The following UBR3 variants were observed in gnomAD, a reference collection of about 807,000 sequenced individuals.
UBR3 encodes the protein E3 ubiquitin-protein ligase UBR3.
A neutral mutation model predicts 243.2 loss-of-function variants in UBR3; 85 were observed. The observed-to-expected ratio is 0.35, with a 90% CI of 0.29 to 0.42. UBR3 has a LOEUF of 0.42. UBR3 is among the 10% of genes least tolerant of loss of function. The pLI is 1.00. For missense variants in UBR3, 1,686 were observed against 2,300.8 expected (o/e 0.73, Z 5.47); for synonymous variants, 748 against 799.8 (o/e 0.94, Z 1.09).
At chr2:169,945,097 T>G (rs2105358347) in intron 20 of UBR3, among the ~76,000 whole-genome samples, 1 of 152,166 alleles carries the variant, frequency 6.6e-6, no homozygotes, top group Non-Finnish European at 1.5e-5. Flanking sequence ...ATGCAATCCT[T>G]ACAACAATTC....
intron 28 of UBR3, 90 bp downstream of exon 28, chr2:170,007,280 C>T: frequency 7.4e-7 from 1 of 1,347,172 alleles, no homozygotes; most frequent in Non-Finnish European, 1.0e-6. Context: ...TTACTCTGGA[C>T]TTTTACATAT....
At chr2:169,995,567 G>T (rs2089448515) in intron 26 of UBR3, among the ~76,000 whole-genome samples, 1 of 152,134 alleles carries the variant, frequency 6.6e-6, no homozygotes. Flanking sequence ...AGAACCTACT[G>T]ATAACATTAA....
intron 31 of UBR3, among the ~76,000 whole-genome samples, chr2:170,035,486 A>G (rs536350791): frequency 9.2e-5 from 14 of 151,934 alleles, no homozygotes; most frequent in Non-Finnish European, 1.6e-4. Context: ...ATGTGAATCT[A>G]TTTCTGGGCT....
At chr2:169,850,615 C>A (rs1048133640) in intron 1 of UBR3, among the ~76,000 whole-genome samples, 1 of 152,130 alleles carries the variant, frequency 6.6e-6, no homozygotes, top group African/African-American at 2.4e-5. Flanking sequence ...GAGGCCGAGG[C>A]GGGTGGATCA....
intron 8 of UBR3, 115 bp from the exon 9 acceptor site, chr2:169,904,999 G>A: frequency 1.2e-6 from 1 of 807,130 alleles, no homozygotes. Context: ...TTAAATGGAA[G>A]GCTGGGGTTT....
intron 1 of UBR3, among the ~76,000 whole-genome samples, chr2:169,836,107 G>A (rs2082105938): frequency 1.0e-5 from 1 of 98,760 alleles, no homozygotes; most frequent in South Asian, 4.0e-4. Context: ...ATGGAAACTC[G>A]CTCTGTCCCC....
At chr2:169,945,898 C>A (rs1256127432) in intron 20 of UBR3, among the ~76,000 whole-genome samples, 3 of 152,212 alleles carry the variant, frequency 2.0e-5, no homozygotes, top group Middle Eastern at 6.8e-3. Flanking sequence ...CTCAGAGGCT[C>A]AGAACTTTAA....
chr2:169,864,523 G>A (rs1321261321), intron 1 of UBR3, among the ~76,000 whole-genome samples: 1 of 152,016 alleles, frequency 6.6e-6, no homozygotes, highest in Non-Finnish European at 1.5e-5. Flanking sequence ...CAGCACTTTG[G>A]GAGGCCGATG....
At chr2:170,017,272 A>C (rs1160270003) in intron 30 of UBR3, among the ~76,000 whole-genome samples, 1 of 150,900 alleles carries the variant, frequency 6.6e-6, no homozygotes, top group Non-Finnish European at 1.5e-5. Flanking sequence ...TTTCCCATTG[A>C]TTGCTCTTTA....
At chr2:169,961,874 G>T (rs115221235) in intron 24 of UBR3, among the ~76,000 whole-genome samples, 94 of 136,804 alleles carry the variant, frequency 6.9e-4, no homozygotes, top group East Asian at 1.5e-3. Context: ...TTTTTCCCAT[G>T]TTTTTTTTTT....
intron 35 of UBR3, among the ~76,000 whole-genome samples, chr2:170,068,682 A>C (rs1357002074): frequency 1.3e-5 from 2 of 152,166 alleles, no homozygotes; most frequent in Non-Finnish European, 2.9e-5. Context: ...GGTTCTTTAC[A>C]AAGATCAGTA....
At position 169,961,145 on chromosome 2, in the gene UBR3, A is replaced by G. The variant is rs530532338; in HGVS notation, c.3634+2619A>G. On this transcript the variant is annotated intron_variant, in intron 24 of 38. Transcript: ENST00000272793. The stretch of plus-strand genomic sequence containing the variant: ...ATATCTCTATTATTCTATCTACTCA[A>G]TCATACAGTAGTCTTTTGCATGGAA... 4.6e-5 allele frequency among the ~76,000 whole-genome samples: 7 copies of G among 152,052 alleles called. No homozygotes were observed. The South Asian group carries it at 1.0e-3, about 23-fold the overall frequency.
intron 23 of UBR3, among the ~76,000 whole-genome samples, chr2:169,953,885 C>T (rs2105364242): frequency 6.6e-6 from 1 of 152,310 alleles, no homozygotes; most frequent in African/African-American, 2.4e-5. Flanking sequence ...TGTAGTCTGT[C>T]AATGCTGTTG....
chr2:169,887,206 A>G (rs1406821188), intron 5 of UBR3, among the ~76,000 whole-genome samples: 1 of 152,142 alleles, frequency 6.6e-6, no homozygotes, highest in African/African-American at 2.4e-5. Context: ...CTGTGTCCAT[A>G]TTTTGTGCCT....
rs373011993 is a variant in UBR3, at chr2:170,026,140, A to G, written c.4454-3206A>G. ...CCTTTTAGGGTTCATTAGCAGAAGA[A>G]GGGCACATAAAAGTAACTGAGAAGG... On this transcript the variant is annotated intron_variant, in intron 30 of 38. Transcript: ENST00000272793. Among the ~76,000 whole-genome samples, 19 of 152,122 alleles carry G rather than the reference A, an allele frequency of 1.2e-4. No individual in the cohort carries two copies. The East Asian group carries it at 1.4e-3, about 11-fold the overall frequency.
chr2:169,833,295 T>G (rs180995838), intron 1 of UBR3, among the ~76,000 whole-genome samples: 1 of 152,304 alleles, frequency 6.6e-6, no homozygotes, highest in East Asian at 1.9e-4. Flanking sequence ...ATTTTAAACA[T>G]TTAGTTCTCA....
chr2:170,017,222 T>C (rs993717172), intron 30 of UBR3, among the ~76,000 whole-genome samples: 7 of 151,960 alleles, frequency 4.6e-5, no homozygotes, highest in Non-Finnish European at 1.0e-4. Flanking sequence ...AAAATCTATC[T>C]TTTTTCTAGG....
chr2:169,845,427 A>G (rs2082431362), intron 1 of UBR3, among the ~76,000 whole-genome samples: 1 of 148,644 alleles, frequency 6.7e-6, no homozygotes, highest in Non-Finnish European at 1.5e-5. Flanking sequence ...CATCTCAAAA[A>G]AAAAAAAAAG....
At position 169,949,716 on chromosome 2, in the gene UBR3, T is replaced by C; in HGVS notation, c.3196T>C (p.Ser1066Pro). 1.3e-6 allele frequency: 2 copies of C among 1,551,650 alleles called. No homozygotes were observed. The highest frequency in any genetic ancestry group is 2.0e-5 in the Admixed American group (1 of 50,970). ...AAATCAGGTGGTTCGTCCCAAAACT[T>C]CAAGTAAATGGTCTGCTCCTGGTTC... ...EANQVVRPKTSSKWSAPGSAP... is the reference protein window; with the variant it reads ...EANQVVRPKTPSKWSAPGSAP... The change falls in exon 23 of 39, where the codon TCA (serine) becomes CCA (proline). Residue 1066 changes from serine (S) to proline (P), a missense_variant. By Grantham distance (74) the Ser-to-Pro change is moderately conservative. Around this residue, in one of 8 missense-constraint regions of UBR3, gnomAD observed 300 missense variants for 314.4 expected, o/e 0.95. Coordinates refer to ENST00000272793, the MANE Select transcript of UBR3 (RefSeq NM_172070.4).
Sources: allele counts gnomAD v4.1 joint callset (sites outside exome capture counted in the v4.1 genomes callset), GRCh38; gene constraint gnomAD v4.1.1; regional missense constraint gnomAD v4.1.1; transcripts MANE v1.5; gene names NCBI Gene and HGNC (gene_info 2026-07-23, HGNC 2026-07-21).